FAAP20: variants seen among roughly 807,000 people sequenced by gnomAD.
FAAP20 encodes Fanconi anemia core complex-associated protein 20.
FAAP20 carries 12 observed loss-of-function variants against 16.2 expected under a neutral mutation model. The observed-to-expected ratio is 0.74, with a 90% CI of 0.48 to 1.20. FAAP20 has a LOEUF of 1.20. FAAP20 is among the 50% of genes most tolerant of loss of function. FAAP20 has a pLI of 0.00. For missense variants in FAAP20, 288 were observed against 245.8 expected, an observed-to-expected ratio of 1.17 and a Z score of -1.15; for synonymous variants, 141 against 110.7, an observed-to-expected ratio of 1.27 and a Z score of -1.72.
intron 3 of FAAP20, chr1:2,193,012 CTGGTCTCCA>C (rs1688419004): frequency 7.7e-7 from 1 of 1,303,442 alleles, no homozygotes; most frequent in Admixed American, 2.3e-5. Context: ...ACTGAAGGAC[CTGGTCTCCA>C]TAAGCTCTGA....
chr1:2,192,889 C>T (rs935707839), intron 3 of FAAP20: 41 of 1,302,062 alleles, frequency 3.1e-5, no homozygotes, highest in African/African-American at 4.6e-5. Context: ...CGTGAGCCAC[C>T]GTGCCCGGCC....
chr1:2,190,534 A>G (rs1688095778), intron 3 of FAAP20: 1 of 410,792 alleles, frequency 2.4e-6, no homozygotes, highest in Non-Finnish European at 5.0e-6. Flanking sequence ...GGAAATGACC[A>G]TCACCAGGCC....
chr1:2,199,418 C>T, upstream of FAAP20: 1 of 1,016,010 alleles, frequency 9.8e-7, no homozygotes. This position sits in a 1 kb window ranked among gnomAD's most constrained non-coding sequence, Gnocchi z 4.5. Context: ...CCAGCCCAGC[C>T]CAGGCTTCTC....
chr1:2,200,412 A>T (rs940434146), upstream of FAAP20: 8 of 152,292 alleles, frequency 5.3e-5, no homozygotes, highest in Admixed American at 1.3e-4. Flanking sequence ...AAAAAAAAAA[A>T]GGTAAGGAAA....
At position 2,189,628 on chromosome 1, in the gene FAAP20, CGGGGGAG is replaced by C; in HGVS notation, c.*74_*80del. The C allele has an allele frequency of 8.5e-7, 1 of 1,181,980 alleles. No individual in the cohort carries two copies. The highest frequency in any genetic ancestry group is 1.2e-6 in the Non-Finnish European group (1 of 806,390). 73.2% of individuals were successfully genotyped at this position (1,181,980 alleles called of 1,614,324 possible). On this transcript the variant is annotated 3_prime_UTR_variant, in exon 4 of 4. Coordinates refer to ENST00000378546, the MANE Select transcript of FAAP20 (RefSeq NM_182533.4). ...GGGAGCCGAGAGGCGGGGCTGCTGG[CGGGGGAG>C]CCGAGAGGCGGGGCTGCTGGCGGGG... is the stretch of plus-strand genomic sequence containing the variant.
chr1:2,193,150 C>T (rs1047755714), intron 3 of FAAP20: 2 of 471,304 alleles, frequency 4.2e-6, no homozygotes, highest in Non-Finnish European at 7.0e-6. Context: ...AGGCCAGGCA[C>T]TGGGCAGTTT....
chr1:2,184,776 G>A (rs1687314195), downstream of FAAP20: 1 of 1,462,426 alleles, frequency 6.8e-7, no homozygotes, highest in Non-Finnish European at 9.4e-7. Flanking sequence ...GGCAGCTGGT[G>A]ACCCAGCCTG....
chr1:2,187,285 CT>C (rs70954587), downstream of FAAP20: 3,672 of 316,354 alleles, frequency 0.012, no homozygotes, highest in East Asian at 0.014. Context: ...AAGCCATTTT[CT>C]TTTTTTTTTT....
At chr1:2,208,602 G>C (rs922401158), downstream of FAAP20, among the ~76,000 whole-genome samples, 4 of 152,276 alleles carry the variant, frequency 2.6e-5, no homozygotes, top group Middle Eastern at 3.4e-3. Context: ...AGCACCCTGA[G>C]CCCATACCTG....
downstream of FAAP20, chr1:2,185,300 A>G (rs371058786): frequency 1.7e-4 from 123 of 718,478 alleles, 1 homozygote; most frequent in East Asian, 2.8e-3. Context: ...CAAGGTGCAC[A>G]TTTTCCACGG....
downstream of FAAP20, among the ~76,000 whole-genome samples, chr1:2,208,921 G>A (rs1689360060): frequency 6.6e-6 from 1 of 152,212 alleles, no homozygotes; most frequent in Non-Finnish European, 1.5e-5. Flanking sequence ...GGAAGTGGAG[G>A]GATGGGGAGT....
chr1:2,196,403 A>G (rs554607698), upstream of FAAP20, among the ~76,000 whole-genome samples: 222 of 152,146 alleles, frequency 1.5e-3, no homozygotes, highest in African/African-American at 5.1e-3. This position sits in a 1 kb window ranked among gnomAD's most constrained non-coding sequence, Gnocchi z 4.5. Flanking sequence ...CTCTATAAAT[A>G]AAAAATTAGC....
downstream of FAAP20, chr1:2,185,104 G>C: frequency 8.1e-7 from 1 of 1,229,690 alleles, no homozygotes; most frequent in Non-Finnish European, 1.2e-6. Flanking sequence ...ACGGCTCCGA[G>C]GGCGGCCAGG....
chr1:2,212,265 G>C (rs1309794642), exon 2 of FAAP20: 3 of 152,632 alleles, frequency 2.0e-5, no homozygotes, highest in Non-Finnish European at 2.9e-5. Context: ...TGCTGTCTCA[G>C]CGCCAGCGTG....
chr1:2,189,839 G>A (rs1687974550), intron 3 of FAAP20, 58 bp from the exon 4 acceptor site: 2 of 1,346,002 alleles, frequency 1.5e-6, no homozygotes, highest in East Asian at 2.3e-5. Context: ...GCCGCAGAGA[G>A]CACCGTCTGG....
downstream of FAAP20, chr1:2,185,956 G>A (rs1171878746): frequency 1.8e-5 from 6 of 338,238 alleles, no homozygotes; most frequent in African/African-American, 8.6e-5. Context: ...TCCCAGCGGC[G>A]CGGACCTCCT....
chr1:2,194,756 C>G lies in FAAP20; in HGVS notation c.-7G>C. Reference sequence around the variant, plus strand: ...GCCTCCGCGCCGCCTCCATCCAAGCCCGCGCCGGGCGGAAGTGAGCGCAAG... The same window carrying G: ...GCCTCCGCGCCGCCTCCATCCAAGCGCGCGCCGGGCGGAAGTGAGCGCAAG... On this transcript the variant is annotated 5_prime_UTR_variant, in exon 1 of 4. Transcript: ENST00000378546. The G allele has an allele frequency of 2.5e-6, 3 of 1,181,122 alleles. No homozygotes were observed. The highest frequency in any genetic ancestry group is 4.1e-5 in the South Asian group (1 of 24,556). The allele number at this position is 1,181,122 out of a possible 1,614,324, so 73.2% of individuals were successfully genotyped here.
downstream of FAAP20, chr1:2,184,708 A>C (rs777347524): frequency 3.1e-6 from 5 of 1,609,666 alleles, no homozygotes; most frequent in South Asian, 4.4e-5. Flanking sequence ...AGTGAGTCCC[A>C]CTGGGTGCGG....
In FAAP20 at chr1:2,193,894, G is replaced by A. The variant is rs1688550299; in HGVS notation, c.215C>T (p.Pro72Leu). 2 of 1,612,248 alleles carry A rather than the reference G, an allele frequency of 1.2e-6. No individual in the cohort carries two copies. The highest frequency in any genetic ancestry group is 1.1e-5 in the South Asian group (1 of 91,050). The change falls in exon 3 of 4, where the codon CCG becomes CTG. Residue 72 changes from proline (P) to leucine (L), a missense_variant. Pro to Leu is a moderately conservative substitution (Grantham distance 98). Coordinates refer to ENST00000378546, the MANE Select transcript of FAAP20 (RefSeq NM_182533.4). ...GACAGTGAAGACTTCAGTGGGCTCC[G>A]GGCCGCACCTGGGCTCCTGCAACAC... Reference protein sequence around the residue: ...AFPGQEPRCGPEPTEVFTVGP... With the variant: ...AFPGQEPRCGLEPTEVFTVGP...
Sources: gnomAD v4.1 joint callset for allele counts (sites outside exome capture counted in the v4.1 genomes callset) on GRCh38, gnomAD v4.1.1 for gene constraint, Gnocchi (gnomAD v3.1) non-coding constraint, MANE v1.5 for transcripts, NCBI Gene and HGNC (gene_info 2026-07-23, HGNC 2026-07-21) for gene names.